The following PRKACB variants were observed in gnomAD, a reference collection of about 807,000 sequenced individuals.
PRKACB encodes the protein cAMP-dependent protein kinase catalytic subunit beta.
A neutral mutation model predicts 51.4 loss-of-function variants in PRKACB; 16 were observed. That is an observed-to-expected ratio of 0.31 (90% CI 0.21 to 0.47). PRKACB has a LOEUF of 0.47. PRKACB is among the 20% of genes least tolerant of loss of function. The pLI is 1.00. For synonymous variants in PRKACB, 147 were observed against 154.4 expected (o/e 0.95, Z 0.35); for missense variants, 309 against 464.5 (o/e 0.67, Z 3.08).
chr1:84,091,715 GC>G (rs1259491152), intron 1 of PRKACB, among the ~76,000 whole-genome samples: 7 of 151,990 alleles, frequency 4.6e-5, no homozygotes, highest in African/African-American at 1.7e-4. Context: ...ATGTTGCCCG[GC>G]CTGGTCTTGA....
At chr1:84,229,498 A>G (rs1366116642) in intron 9 of PRKACB, among the ~76,000 whole-genome samples, 2 of 140,996 alleles carry the variant, frequency 1.4e-5, no homozygotes, top group Non-Finnish European at 3.1e-5. Flanking sequence ...ATCCCTGAGG[A>G]ATCGCCACAC....
intron 1 of PRKACB, among the ~76,000 whole-genome samples, chr1:84,153,079 G>A (rs943382437): frequency 2.0e-5 from 3 of 151,976 alleles, no homozygotes; most frequent in Admixed American, 1.3e-4. Flanking sequence ...TGTGTCTTAG[G>A]GAATAGGAAG....
chr1:84,205,287 C>G (rs144458845), intron 8 of PRKACB: 34 of 976,136 alleles, frequency 3.5e-5, no homozygotes, highest in Non-Finnish European at 4.0e-5. Flanking sequence ...TCATCTGTTT[C>G]AAAACTCAAA....
chr1:84,122,542 C>A (rs1361312935), intron 1 of PRKACB, among the ~76,000 whole-genome samples: 4 of 152,022 alleles, frequency 2.6e-5, no homozygotes, highest in Non-Finnish European at 4.4e-5. Flanking sequence ...TAAACCAGCT[C>A]AATATAAGAA....
chr1:84,196,998 T>C (rs571356036), intron 6 of PRKACB, among the ~76,000 whole-genome samples: 2 of 152,300 alleles, frequency 1.3e-5, no homozygotes, highest in East Asian at 3.9e-4. Flanking sequence ...GCTAAATCTA[T>C]GAGCAGTTAT....
intron 5 of PRKACB, among the ~76,000 whole-genome samples, chr1:84,189,572 A>C (rs1384271008): frequency 6.6e-6 from 1 of 151,962 alleles, no homozygotes; most frequent in Non-Finnish European, 1.5e-5. Flanking sequence ...ATGACCTTCA[A>C]ATCATGTGTA....
chr1:84,095,605 T>C (rs993605409), intron 1 of PRKACB, among the ~76,000 whole-genome samples: 1 of 151,918 alleles, frequency 6.6e-6, no homozygotes, highest in African/African-American at 2.4e-5. Context: ...TTTCACAATA[T>C]GCCTAGGTGA....
intron 1 of PRKACB, among the ~76,000 whole-genome samples, chr1:84,120,565 G>T (rs1019996636): frequency 6.6e-6 from 1 of 151,996 alleles, no homozygotes; most frequent in Admixed American, 6.6e-5. Flanking sequence ...AAATAGTCTG[G>T]AAGAGTCAGA....
At chr1:84,198,038 A>G (rs1021258605) in intron 7 of PRKACB, among the ~76,000 whole-genome samples, 20 of 152,084 alleles carry the variant, frequency 1.3e-4, no homozygotes, top group Non-Finnish European at 2.5e-4. Context: ...GGTCTTAGAG[A>G]TATAATATGA....
chr1:84,120,615 T>C (rs1255926767), intron 1 of PRKACB, among the ~76,000 whole-genome samples: 1 of 152,074 alleles, frequency 6.6e-6, no homozygotes, highest in Non-Finnish European at 1.5e-5. Context: ...CTTAACAAGT[T>C]TAAAATTTTT....
At chr1:84,204,946 C>T in intron 8 of PRKACB, 2 of 975,736 alleles carry the variant, frequency 2.0e-6, no homozygotes, top group Non-Finnish European at 2.4e-6. Context: ...TTATATCAAA[C>T]TTTAAAATTT....
chr1:84,225,967 C>T (rs1170115992), intron 9 of PRKACB, among the ~76,000 whole-genome samples: 1 of 152,166 alleles, frequency 6.6e-6, no homozygotes, highest in African/African-American at 2.4e-5. Context: ...TGTTTTGGTC[C>T]TTCTTTGTGG....
chr1:84,219,672 T>C (rs1014863688), intron 9 of PRKACB, among the ~76,000 whole-genome samples: 1 of 151,008 alleles, frequency 6.6e-6, no homozygotes, highest in African/African-American at 2.4e-5. Flanking sequence ...TGCATATGGA[T>C]ATCCAGTTTT....
rs749941223 is a variant in PRKACB, at chr1:84,202,680, C to T, written c.784-3C>T. The T allele has an allele frequency of 6.3e-7, 1 of 1,596,444 alleles. No homozygotes were observed. Among genetic ancestry groups the T allele is most frequent in the South Asian group, 1.1e-5 (1 of 87,730 alleles). ...AATTGACATTGGTGTTGGTTTATCT[C>T]AGGGCTACAATAAGGCAGTGGATTG... is the stretch of plus-strand genomic sequence containing the variant. On this transcript the variant is annotated splice_polypyrimidine_tract_variant and splice_region_variant and intron_variant, in intron 7 of 9. Transcript: ENST00000370685.
At chr1:84,167,395 A>G (rs879427945) in intron 1 of PRKACB, among the ~76,000 whole-genome samples, 3 of 151,600 alleles carry the variant, frequency 2.0e-5, no homozygotes, top group Admixed American at 1.3e-4. Context: ...TAGCCATACT[A>G]TATTACATAT....
intron 3 of PRKACB, among the ~76,000 whole-genome samples, chr1:84,183,394 A>G (rs921386005): frequency 5.3e-5 from 8 of 151,884 alleles, no homozygotes; most frequent in Admixed American, 3.9e-4. Flanking sequence ...TGTTATAAAG[A>G]TAGTTTTTTC....
At chr1:84,212,121 T>A (rs559492947) in intron 8 of PRKACB, among the ~76,000 whole-genome samples, 27 of 152,312 alleles carry the variant, frequency 1.8e-4, no homozygotes, top group African/African-American at 6.5e-4. Context: ...GTTATGATCT[T>A]TTACTAGCAT....
At chr1:84,093,716 T>G (rs1192808974) in intron 1 of PRKACB, among the ~76,000 whole-genome samples, 1 of 152,038 alleles carries the variant, frequency 6.6e-6, no homozygotes, top group African/African-American at 2.4e-5. Flanking sequence ...ATATTGAATT[T>G]TTAAGTCCAT....
chr1:84,128,090 C>A lies in PRKACB; in HGVS notation c.46+49719C>A, dbSNP rs555345817. 1.4e-3 allele frequency among the ~76,000 whole-genome samples: 201 copies of A among 143,066 alleles called. 2 individuals carry two copies. Among genetic ancestry groups the A allele is most frequent in the Non-Finnish European group, 1.6e-3 (108 of 65,978 alleles). The allele number at this position is 143,066 out of a possible 152,430, so 93.9% of individuals were successfully genotyped here. ...ATGGTGTGATCTCGGCTCACTGCAA[C>A]CTTCACCTCCCAGGTCCAAGCAATT... On this transcript the variant is annotated intron_variant, in intron 1 of 8. Coordinates refer to the PRKACB transcript ENST00000370688.
Sources: allele counts gnomAD v4.1 joint callset (sites outside exome capture counted in the v4.1 genomes callset), GRCh38; gene constraint gnomAD v4.1.1; transcripts MANE v1.5; gene names NCBI Gene and HGNC (gene_info 2026-07-23, HGNC 2026-07-21).